The following ASIC2 variants were observed in gnomAD, a reference collection of about 807,000 sequenced individuals.
The protein encoded by ASIC2 is acid-sensing ion channel 2.
Under a neutral mutation model 57.3 loss-of-function variants are expected in ASIC2, and 25 were observed. The observed-to-expected ratio is 0.44, with a 90% CI of 0.32 to 0.61. The LOEUF (loss-of-function observed/expected upper bound fraction) is 0.61. Ranked by LOEUF, ASIC2 falls within the 20% of genes least tolerant of loss-of-function variation. The pLI, the probability that ASIC2 is intolerant of heterozygous loss-of-function variation, is 0.06. For synonymous variants in ASIC2, 319 were observed against 307.5 expected, an observed-to-expected ratio of 1.04 and a Z score of -0.39; for missense variants, 641 against 738.1, an observed-to-expected ratio of 0.87 and a Z score of 1.52.
chr17:33,920,951 A>G (rs1375060646), intron 1 of ASIC2, among the ~76,000 whole-genome samples: 2 of 152,216 alleles, frequency 1.3e-5, no homozygotes, highest in East Asian at 1.9e-4. Flanking sequence ...TCTTCAACAG[A>G]GGACTGTGTC....
intron 1 of ASIC2, among the ~76,000 whole-genome samples, chr17:33,751,054 T>A (rs1193055019): frequency 6.6e-6 from 1 of 152,092 alleles, no homozygotes; most frequent in East Asian, 1.9e-4. Flanking sequence ...GTTGAGTTTG[T>A]GTTTTGATAT....
chr17:33,908,035 C>G (rs752365438), intron 1 of ASIC2, among the ~76,000 whole-genome samples: 41 of 152,328 alleles, frequency 2.7e-4, no homozygotes, highest in Non-Finnish European at 4.7e-4. Flanking sequence ...TCACTGAGCA[C>G]TTGGTTCTCA....
At chr17:33,159,257 C>T (rs1320689118) in intron 1 of ASIC2, among the ~76,000 whole-genome samples, 6 of 152,200 alleles carry the variant, frequency 3.9e-5, no homozygotes, top group Non-Finnish European at 5.9e-5. Flanking sequence ...TGCACTTCAA[C>T]GATGCATCAT....
intron 1 of ASIC2, among the ~76,000 whole-genome samples, chr17:33,552,284 AGGCTGAGTGG>A (rs1479363061): frequency 2.0e-5 from 3 of 152,212 alleles, no homozygotes; most frequent in African/African-American, 7.2e-5. Context: ...GCCTCCTGCC[AGGCTGAGTGG>A]GGCTGGGCCA....
At chr17:33,269,672 TTCCC>T (rs1298868043) in intron 1 of ASIC2, among the ~76,000 whole-genome samples, 3 of 74,888 alleles carry the variant, frequency 4.0e-5, no homozygotes, top group Non-Finnish European at 6.1e-5. Context: ...CCTTCCTTCC[TTCCC>T]TCCCTCCCTC....
At chr17:33,456,618 T>C (rs1157582402) in intron 1 of ASIC2, among the ~76,000 whole-genome samples, 1 of 152,124 alleles carries the variant, frequency 6.6e-6, no homozygotes, top group Non-Finnish European at 1.5e-5. Flanking sequence ...AACTATGTGG[T>C]GGGTGGGGCA....
chr17:33,964,590 C>A (rs1162756886), intron 1 of ASIC2, among the ~76,000 whole-genome samples: 4 of 152,202 alleles, frequency 2.6e-5, no homozygotes, highest in Non-Finnish European at 5.9e-5. Context: ...AGTAGGTGAA[C>A]TTGCTGATTT....
At position 33,043,852 on chromosome 17, in the gene ASIC2, A is replaced by C. The variant is rs529431467; in HGVS notation, c.988-15460T>G. Among the ~76,000 whole-genome samples, 31 of 152,280 alleles carry C rather than the reference A, an allele frequency of 2.0e-4. No individual in the cohort carries two copies. In the South Asian group the frequency reaches 6.0e-3, roughly 30 times the overall value. ...TGCCCTCCTCCTGCCCTGGAATCAC[A>C]CACAGCTGATTGTTGTGCTGGTTGG... On this transcript the variant is annotated intron_variant, in intron 3 of 9. Coordinates refer to ENST00000225823, the MANE Select transcript of ASIC2 (RefSeq NM_183377.2).
upstream of ASIC2, among the ~76,000 whole-genome samples, chr17:33,293,345 C>G (rs1455085018): frequency 6.6e-6 from 1 of 151,924 alleles, no homozygotes; most frequent in Non-Finnish European, 1.5e-5. Context: ...CCTGGAGACG[C>G]GGTGCTGACG....
In ASIC2 at chr17:34,036,498, C is replaced by T. The variant is rs1326921289; in HGVS notation, c.555+119480G>A. ...GTAACAAACCTGCACGTTGTGCACA[C>T]GTACCCTAAAACTTAAAGTATAATA... On this transcript the variant is annotated intron_variant, in intron 1 of 9. Transcript: ENST00000359872. 4.6e-5 allele frequency among the ~76,000 whole-genome samples: 7 copies of T among 150,648 alleles called. No homozygotes were observed. In the South Asian group the frequency reaches 1.1e-3, roughly 23 times the overall value.
chr17:33,054,553 C>T (rs550799479), intron 3 of ASIC2, among the ~76,000 whole-genome samples: 305 of 152,300 alleles, frequency 2.0e-3, no homozygotes, highest in African/African-American at 7.1e-3. Context: ...AGCCACAATT[C>T]TTCAGAAGAC....
At chr17:33,080,787 C>A (rs1479218964) in intron 3 of ASIC2, among the ~76,000 whole-genome samples, 1 of 152,100 alleles carries the variant, frequency 6.6e-6, no homozygotes. Flanking sequence ...AGCAGGCGGG[C>A]AGTGTATGTA....
chr17:33,708,790 C>G (rs1455694726), intron 1 of ASIC2, among the ~76,000 whole-genome samples: 1 of 152,100 alleles, frequency 6.6e-6, no homozygotes, highest in South Asian at 2.1e-4. Context: ...ATAGAGACTC[C>G]TCTCCTCCTT....
rs185179041 is a variant in ASIC2, at chr17:33,079,925, G to C, written c.987+8938C>G. On this transcript the variant is annotated intron_variant, in intron 3 of 9. Coordinates refer to ENST00000225823, the MANE Select transcript of ASIC2 (RefSeq NM_183377.2). ...GCCATTTACAGAGTTTTGAATCTAG[G>C]GGAGCATCAATTATGGGGTGCAGGT... is the stretch of plus-strand genomic sequence containing the variant. Among the ~76,000 whole-genome samples, 496 of 152,236 alleles carry C rather than the reference G, an allele frequency of 3.3e-3. 4 individuals carry two copies. The highest frequency in any genetic ancestry group is 0.027 in the Admixed American group (417 of 15,292).
chr17:33,501,197 G>T (rs1236795009), intron 1 of ASIC2, among the ~76,000 whole-genome samples: 1 of 152,224 alleles, frequency 6.6e-6, no homozygotes, highest in East Asian at 1.9e-4. Context: ...GACACGTGAT[G>T]CCGGCTAAAT....
chr17:33,725,862 C>T (rs1567698908), intron 1 of ASIC2, among the ~76,000 whole-genome samples: 1 of 152,134 alleles, frequency 6.6e-6, no homozygotes, highest in East Asian at 1.9e-4. Flanking sequence ...ACCTTCTGCA[C>T]TGACCCCACA....
chr17:33,790,068 C>T (rs1021388240), intron 1 of ASIC2, among the ~76,000 whole-genome samples: 7 of 152,108 alleles, frequency 4.6e-5, no homozygotes, highest in East Asian at 1.9e-4. Context: ...TTCATTGATG[C>T]CTAATCAAAA....
intron 1 of ASIC2, among the ~76,000 whole-genome samples, chr17:33,868,787 G>T (rs1914312835): frequency 6.6e-6 from 1 of 152,162 alleles, no homozygotes; most frequent in African/African-American, 2.4e-5. Context: ...AAAGGGGCCA[G>T]GCATTGTGGC....
intron 1 of ASIC2, among the ~76,000 whole-genome samples, chr17:33,245,135 T>G (rs1354904767): frequency 6.6e-6 from 1 of 152,224 alleles, no homozygotes; most frequent in East Asian, 1.9e-4. Flanking sequence ...GACTCCCTAG[T>G]GGCCATGGCT....
Sources: allele counts gnomAD v4.1 joint callset (sites outside exome capture counted in the v4.1 genomes callset), GRCh38; gene constraint gnomAD v4.1.1; transcripts MANE v1.5; gene names NCBI Gene and HGNC (gene_info 2026-07-23, HGNC 2026-07-21).